GIMAP8: variants seen among roughly 807,000 people sequenced by gnomAD.
GIMAP8 encodes the protein GTPase, IMAP family member 8.
Under a neutral mutation model 35.6 loss-of-function variants are expected in GIMAP8, and 29 were observed. The ratio of observed to expected loss-of-function variants is 0.81; its 90% CI spans 0.61 to 1.11. GIMAP8 has a LOEUF of 1.11. Among genes scored for constraint, GIMAP8 ranks in the 50% most tolerant of loss-of-function variants. GIMAP8 has a pLI of 0.00. For missense variants in GIMAP8, 811 were observed against 805.0 expected (o/e 1.01, Z -0.09); for synonymous variants, 335 against 308.7 (o/e 1.09, Z -0.89).
At chr7:150,463,226 C>T (rs1359914974) in intron 1 of GIMAP8, among the ~76,000 whole-genome samples, 1 of 152,010 alleles carries the variant, frequency 6.6e-6, no homozygotes, top group African/African-American at 2.4e-5. Flanking sequence ...TTGAATTTCT[C>T]ATTCAGATCA....
At chr7:150,458,636 A>G (rs903744528) in intron 1 of GIMAP8, among the ~76,000 whole-genome samples, 1 of 152,204 alleles carries the variant, frequency 6.6e-6, no homozygotes, top group Non-Finnish European at 1.5e-5. Context: ...TAATCTCCCA[A>G]TTAAAGACAA....
chr7:150,470,754 T>G, intron 2 of GIMAP8, 75 bp from the exon 3 acceptor site: 1 of 685,224 alleles, frequency 1.5e-6, no homozygotes, highest in South Asian at 2.2e-5. Flanking sequence ...TCCTTTTTTT[T>G]TTTTTTTTTT....
chr7:150,465,443 G>GT (rs1429656466), intron 1 of GIMAP8, among the ~76,000 whole-genome samples: 1 of 152,156 alleles, frequency 6.6e-6, no homozygotes, highest in Non-Finnish European at 1.5e-5. Context: ...GTAGAGGGGA[G>GT]TTTTTTTCCT....
intron 1 of GIMAP8, among the ~76,000 whole-genome samples, chr7:150,464,137 T>C (rs1346878308): frequency 6.6e-6 from 1 of 152,214 alleles, no homozygotes; most frequent in Non-Finnish European, 1.5e-5. Flanking sequence ...GGGTAAACTT[T>C]CCTCATACAG....
chr7:150,470,710 A>G (rs1370274215), intron 2 of GIMAP8, 119 bp from the exon 3 acceptor site: 3 of 704,010 alleles, frequency 4.3e-6, no homozygotes, highest in Admixed American at 5.4e-5. Context: ...ACCACATCTG[A>G]CTCAGCAGAT....
Position 150,478,084 on chromosome 7 carries a change from GTAGGTTGGAATCAGGA to G in GIMAP8, c.*308_*323del. Reference sequence around the variant, plus strand: ...CACAAGAATCACCTCACTTGTGTAGGTAGGTTGGAATCAGGATAGACACTGTGATCAAGGCTGAGGC... The same window carrying G: ...CACAAGAATCACCTCACTTGTGTAGGTAGACACTGTGATCAAGGCTGAGGC... On this transcript the variant is annotated 3_prime_UTR_variant, in exon 5 of 5. Transcript: ENST00000307271. The G allele has an allele frequency of 2.5e-6, 1 of 394,958 alleles. No individual in the cohort carries two copies. Among genetic ancestry groups the G allele is most frequent in the Non-Finnish European group, 4.6e-6 (1 of 218,384 alleles). The allele number at this position is 394,958 out of a possible 1,614,324, so 24.5% of individuals were successfully genotyped here. A position where few individuals can be genotyped will look rare whatever the true frequency, so the allele number is the denominator to read the frequency against.
intron 1 of GIMAP8, among the ~76,000 whole-genome samples, chr7:150,465,189 C>A (rs1386774647): frequency 6.6e-6 from 1 of 152,204 alleles, no homozygotes; most frequent in African/African-American, 2.4e-5. Context: ...GAATAACTTT[C>A]TGACTTCACC....
At chr7:150,470,765 T>G in intron 2 of GIMAP8, 64 bp from the exon 3 acceptor site, 9 of 736,964 alleles carry the variant, frequency 1.2e-5, no homozygotes, top group East Asian at 3.1e-5. Flanking sequence ...TTTTTTTTTT[T>G]TTTCAGTTTG....
At chr7:150,470,776 TGGAAG>T in intron 2 of GIMAP8, 48 bp from the exon 3 acceptor site, 1 of 622,692 alleles carries the variant, frequency 1.6e-6, no homozygotes, top group Non-Finnish European at 2.7e-6. Context: ...TTTCAGTTTG[TGGAAG>T]ATGAGGTTTT....
chr7:150,460,315 T>C (rs775592834), intron 1 of GIMAP8, among the ~76,000 whole-genome samples: 1 of 152,234 alleles, frequency 6.6e-6, no homozygotes, highest in Non-Finnish European at 1.5e-5. Flanking sequence ...AATGTCTTCA[T>C]GTTTTCTTCA....
Position 150,474,303 on chromosome 7 carries a change from A to G in GIMAP8, c.974A>G (p.His325Arg), listed in dbSNP as rs1290757406. The part of the protein sequence containing the change: ...EVRKHICTGP[H>R]AFLLVTPLGF... Reference sequence around the variant, plus strand: ...AGAAAACACATCTGTACAGGCCCCCATGCCTTCCTGCTGGTGACACCACTG... The same window carrying G: ...AGAAAACACATCTGTACAGGCCCCCGTGCCTTCCTGCTGGTGACACCACTG... The change falls in exon 4 of 5, where the codon CAT (histidine) becomes CGT (arginine). Residue 325 changes from histidine (H) to arginine (R), a missense_variant. Transcript: ENST00000307271. 1.2e-6 allele frequency: 2 copies of G among 1,614,030 alleles called. No individual in the cohort carries two copies. Among genetic ancestry groups the G allele is most frequent in the Admixed American group, 1.7e-5 (1 of 60,000 alleles).
chr7:150,474,710 T>A (rs914875556), intron 4 of GIMAP8, 72 bp downstream of exon 4: 6 of 997,040 alleles, frequency 6.0e-6, no homozygotes, highest in Non-Finnish European at 8.2e-6. Flanking sequence ...ATAAGAACTT[T>A]TTATTTTCTT....
In GIMAP8 at chr7:150,477,762, A is replaced by G. The variant is rs778809911; in HGVS notation, c.1980A>G (p.Leu660=). 1 of 1,613,160 alleles carries G rather than the reference A, an allele frequency of 6.2e-7. No homozygotes were observed. The highest frequency in any genetic ancestry group is 8.5e-7 in the Non-Finnish European group (1 of 1,179,700). ...AAGCCGAAAAACTCCTTAAAAATTT[A>G]ATAGGTATTTTACAATAGGTAGCCG... ...MSQAEKLLKN[L]IGILQ The change falls in exon 5 of 5, where the codon TTA becomes TTG. Residue 660 remains leucine (L), a synonymous_variant. Transcript: ENST00000307271.
At position 150,477,175 on chromosome 7, in the gene GIMAP8, A is replaced by C. The variant is rs1266278729; in HGVS notation, c.1393A>C (p.Thr465Pro). The change falls in exon 5 of 5, where the codon ACC (threonine) becomes CCC (proline). Residue 465 changes from threonine (T) to proline (P), a missense_variant. Physicochemically the swap from Thr to Pro is conservative, Grantham distance 38. Coordinates refer to ENST00000307271, the MANE Select transcript of GIMAP8 (RefSeq NM_175571.4). ...CTCTATCCTGGGGAGCCTCGTCTTC[A>C]CCTCTCGGCTCCGGGCCCAGCCAGT... ...GNSILGSLVF[T>P]SRLRAQPVTK... 6.2e-7 allele frequency: 1 copy of C among 1,613,976 alleles called. No homozygotes were observed.
At chr7:150,455,093 G>A (rs542727593) in intron 1 of GIMAP8, among the ~76,000 whole-genome samples, 8 of 148,472 alleles carry the variant, frequency 5.4e-5, no homozygotes, top group East Asian at 2.0e-4. Context: ...GGCCAAGATC[G>A]TGCCATTGCA....
intron 1 of GIMAP8, among the ~76,000 whole-genome samples, chr7:150,461,807 G>T (rs1186062423): frequency 1.3e-5 from 2 of 152,200 alleles, no homozygotes; most frequent in Non-Finnish European, 2.9e-5. Flanking sequence ...ACTGATAGAT[G>T]AACTTACTCC....
chr7:150,458,423 A>G (rs1310477483), intron 1 of GIMAP8, among the ~76,000 whole-genome samples: 2 of 152,196 alleles, frequency 1.3e-5, no homozygotes, highest in Admixed American at 6.5e-5. Context: ...GCCCACCCCC[A>G]CAAGTGAGGG....
At chr7:150,474,756 G>C (rs1802188826) in intron 4 of GIMAP8, 118 bp downstream of exon 4, 2 of 632,770 alleles carry the variant, frequency 3.2e-6, no homozygotes, top group South Asian at 3.5e-5. Context: ...TAAGTTTTAG[G>C]GTACATGTGC....
At chr7:150,460,019 C>A (rs1801812115) in intron 1 of GIMAP8, among the ~76,000 whole-genome samples, 1 of 152,306 alleles carries the variant, frequency 6.6e-6, no homozygotes, top group South Asian at 2.1e-4. Context: ...GATGCCATAT[C>A]AGGGACTTGG....
Sources: gnomAD v4.1 joint callset for allele counts (sites outside exome capture counted in the v4.1 genomes callset) on GRCh38, gnomAD v4.1.1 for gene constraint, MANE v1.5 for transcripts, NCBI Gene and HGNC (gene_info 2026-07-23, HGNC 2026-07-21) for gene names.